The following CPXM2 variants were observed in gnomAD, a reference collection of about 807,000 sequenced individuals.
CPXM2 encodes carboxypeptidase X, M14 family member 2.
In CPXM2, 66 loss-of-function variants were observed where a neutral mutation model predicts 86.1. The ratio of observed to expected loss-of-function variants is 0.77; its 90% confidence interval spans 0.63 to 0.94. CPXM2 has a LOEUF of 0.94. Among genes scored for constraint, CPXM2 ranks in the 40% least tolerant of loss-of-function variants. The probability of loss-of-function intolerance (pLI) is 0.00; values close to 1 mark genes in which losing one functional copy is unlikely to be tolerated. For synonymous variants in CPXM2, 388 were observed against 400.2 expected, an observed-to-expected ratio of 0.97 and a Z score of 0.36; for missense variants, 948 against 1,026.3, an observed-to-expected ratio of 0.92 and a Z score of 1.04.
In CPXM2 at chr10:123,754,006, G is replaced by A. The variant is rs532507887; in HGVS notation, c.2017+657C>T. ...TGAGGAATGATGGAGTTAAATGACA[G>A]AGCTAATACAAGAAAGCTATTAAGA... On this transcript the variant is annotated intron_variant, in intron 13 of 13. Transcript: ENST00000241305. This position sits in a 1 kb window ranked among gnomAD's most constrained non-coding sequence, Gnocchi z 4.0. Among the ~76,000 whole-genome samples, 6 of 152,332 alleles carry A rather than the reference G, an allele frequency of 3.9e-5. No individual in the cohort carries two copies. The South Asian group carries it at 1.2e-3, about 32-fold the overall frequency.
At chr10:123,892,668 A>G (rs1945294780), upstream of CPXM2, among the ~76,000 whole-genome samples, 1 of 152,210 alleles carries the variant, frequency 6.6e-6, no homozygotes, top group Admixed American at 6.5e-5. Context: ...GGCTGATGCG[A>G]GTGTCACCAG....
chr10:123,935,944 CCAT>C (rs1945713654), intron 2 of CPXM2, among the ~76,000 whole-genome samples: 2 of 150,470 alleles, frequency 1.3e-5, no homozygotes, highest in African/African-American at 2.5e-5. Flanking sequence ...ATCATCATCA[CCAT>C]CATCACCAGC....
At chr10:123,898,932 C>T (rs999282720) in intron 2 of CPXM2, among the ~76,000 whole-genome samples, 35 of 152,020 alleles carry the variant, frequency 2.3e-4, no homozygotes, top group African/African-American at 8.0e-4. Context: ...TTTTTCATAG[C>T]GCAGATGGGG....
intron 4 of CPXM2, among the ~76,000 whole-genome samples, chr10:123,812,878 C>T (rs1304802194): frequency 6.6e-6 from 1 of 152,184 alleles, no homozygotes; most frequent in African/African-American, 2.4e-5. Flanking sequence ...AAACCGGTCC[C>T]TGGTGCCAAA....
At chr10:123,825,588 A>G (rs1272524136) in intron 4 of CPXM2, among the ~76,000 whole-genome samples, 1 of 152,214 alleles carries the variant, frequency 6.6e-6, no homozygotes, top group Non-Finnish European at 1.5e-5. Context: ...TAGCGTTCAC[A>G]GCTGCTAAAC....
chr10:123,900,624 T>C (rs1410910271), intron 2 of CPXM2, among the ~76,000 whole-genome samples: 1 of 152,252 alleles, frequency 6.6e-6, no homozygotes. Flanking sequence ...AGGATTCAGA[T>C]GGGTACCACC....
chr10:123,882,204 A>G (rs1164630666), intron 1 of CPXM2, among the ~76,000 whole-genome samples: 1 of 152,250 alleles, frequency 6.6e-6, no homozygotes, highest in Non-Finnish European at 1.5e-5. Context: ...ACCTGCTGGA[A>G]GTATCTTTCA....
At chr10:123,849,681 G>A (rs1564796830) in intron 3 of CPXM2, among the ~76,000 whole-genome samples, 1 of 152,044 alleles carries the variant, frequency 6.6e-6, no homozygotes, top group Non-Finnish European at 1.5e-5. Flanking sequence ...CCAAAGTGCT[G>A]GGATTACAGG....
chr10:123,808,773 A>G (rs1366454870), intron 4 of CPXM2, among the ~76,000 whole-genome samples: 1 of 152,178 alleles, frequency 6.6e-6, no homozygotes, highest in East Asian at 1.9e-4. Context: ...CATAAACAAA[A>G]AGCAACAAAC....
intron 2 of CPXM2, among the ~76,000 whole-genome samples, chr10:123,875,807 CTTTTT>C (rs780970130): frequency 1.1e-4 from 9 of 84,672 alleles, no homozygotes; most frequent in Middle Eastern, 7.5e-3. Flanking sequence ...TCTTTTCTTT[CTTTTT>C]TTTTTTTTTT....
In CPXM2 at chr10:123,900,909, A is replaced by G. The variant is rs1055160824; in HGVS notation, n.175-20600T>C. On this transcript the variant is annotated intron_variant and non_coding_transcript_variant, in intron 2 of 19. Coordinates refer to the CPXM2 transcript ENST00000368854. ...CAGATTTTTTTTTCTTTTCTACTGA[A>G]TTGAATGAATCGATCCTTTTTTATG... Among the ~76,000 whole-genome samples the G allele has an allele frequency of 2.0e-5, 3 of 152,322 alleles. No individual in the cohort carries two copies. In the Middle Eastern group the frequency reaches 0.01, roughly 522 times the overall value.
chr10:123,830,904 G>GTGTGTGTGTGTT, intron 4 of CPXM2, among the ~76,000 whole-genome samples: 1 of 145,388 alleles, frequency 6.9e-6, no homozygotes. Flanking sequence ...GTGTGTGTGT[G>GTGTGTGTGTGTT]TGTGTCTTTC....
Position 123,798,060 on chromosome 10 carries a change from G to T in CPXM2, c.805C>A (p.Arg269Ser). ...GACTGAGGGTTTATGCGGATGTAGC[G>T]GGCCACCATGGGGACGGGTAGCTCA... Reference protein sequence around the residue: ...LNELPVPMVARYIRINPQSWF... With the variant: ...LNELPVPMVASYIRINPQSWF... The change falls in exon 6 of 14, where the codon CGC (arginine) becomes AGC (serine). Residue 269 changes from arginine (R) to serine (S), a missense_variant. Transcript: ENST00000241305. 1.2e-6 allele frequency: 2 copies of T among 1,611,552 alleles called. No homozygotes were observed. Among genetic ancestry groups the T allele is most frequent in the Non-Finnish European group, 1.7e-6 (2 of 1,178,750 alleles).
At chr10:123,827,770 A>C (rs931093116) in intron 4 of CPXM2, among the ~76,000 whole-genome samples, 1 of 152,214 alleles carries the variant, frequency 6.6e-6, no homozygotes, top group Non-Finnish European at 1.5e-5. Context: ...CAATTTCTTA[A>C]AAGAATGAAG....
At chr10:123,785,024 C>A (rs116444008) in intron 6 of CPXM2, among the ~76,000 whole-genome samples, 1 of 152,214 alleles carries the variant, frequency 6.6e-6, no homozygotes, top group African/African-American at 2.4e-5. Flanking sequence ...AGGGCGTACA[C>A]GAAGTGACCA....
intron 3 of CPXM2, among the ~76,000 whole-genome samples, chr10:123,854,407 TATATATAAAATATATAATATATATATA>T (rs1564799092): frequency 2.2e-4 from 27 of 120,708 alleles, no homozygotes; most frequent in African/African-American, 8.5e-4. Context: ...ATATATATAT[TATATATAAAATATATAATATATATATA>T]ATATACTTTT....
chr10:123,768,596 A>G lies in CPXM2; in HGVS notation c.1229T>C (p.Leu410Pro). Residue 410 changes from leucine (L) to proline (P), a missense_variant, in exon 9 of 14, where the codon CTG becomes CCG. By Grantham distance (98) the Leu-to-Pro change is moderately conservative (BLOSUM62 -3). Transcript: ENST00000241305. Reference sequence around the variant, plus strand: ...GACGTGAATCCGCGTCTCCTCCACCAGGTGGACGATGCGCGCATTCCGGGC... The same window carrying G: ...GACGTGAATCCGCGTCTCCTCCACCGGGTGGACGATGCGCGCATTCCGGGC... ...YLARNARIVH[L>P]VEETRIHVLP... is the part of the protein sequence containing the mutation. 1.2e-6 allele frequency: 2 copies of G among 1,614,064 alleles called. No individual in the cohort carries two copies. The highest frequency in any genetic ancestry group is 1.7e-6 in the Non-Finnish European group (2 of 1,179,984).
chr10:123,894,272 G>A (rs932180163), upstream of CPXM2, among the ~76,000 whole-genome samples: 7 of 152,166 alleles, frequency 4.6e-5, no homozygotes, highest in Admixed American at 1.3e-4. Flanking sequence ...TACCCGCTCT[G>A]CAGTGTCTGG....
intron 2 of CPXM2, among the ~76,000 whole-genome samples, chr10:123,875,211 C>G (rs1487834355): frequency 6.6e-6 from 1 of 152,224 alleles, no homozygotes; most frequent in Non-Finnish European, 1.5e-5. Flanking sequence ...TTCAAAGGCA[C>G]TTGTTTCTTT....
Sources: allele counts gnomAD v4.1 joint callset (sites outside exome capture counted in the v4.1 genomes callset), GRCh38; gene constraint gnomAD v4.1.1; non-coding constraint Gnocchi (gnomAD v3.1); transcripts MANE v1.5; gene names NCBI Gene and HGNC (gene_info 2026-07-23, HGNC 2026-07-21).